Variants in PHLDB1 observed in about 807,000 individuals in gnomAD.
PHLDB1 encodes the protein pleckstrin homology like domain family B member 1, also known as pleckstrin homology-like domain family B member 1.
In PHLDB1, 65 loss-of-function variants were observed where a neutral mutation model predicts 139.3. That is an observed-to-expected ratio of 0.47 (90% confidence interval 0.38 to 0.57). The LOEUF (loss-of-function observed/expected upper bound fraction) is 0.57. Among genes scored for constraint, PHLDB1 ranks in the 20% least tolerant of loss-of-function variants. The pLI is 0.00. For missense variants in PHLDB1, 1,624 were observed against 1,839.7 expected (o/e 0.88, Z 2.14); for synonymous variants, 679 against 734.5 (o/e 0.92, Z 1.22).
chr11:118,643,300 G>T (rs999134097), intron 13 of PHLDB1, among the ~76,000 whole-genome samples: 6 of 152,204 alleles, frequency 3.9e-5, no homozygotes, highest in Non-Finnish European at 2.9e-5. Context: ...CAGAGCTTAT[G>T]CCACGTCAGG....
intron 3 of PHLDB1, chr11:118,614,934 C>T (rs903316156): frequency 1.4e-4 from 57 of 413,256 alleles, no homozygotes; most frequent in Admixed American, 1.3e-3. Context: ...TGGTGGCTCA[C>T]GCCTGTTATC....
intron 6 of PHLDB1, chr11:118,630,157 A>ATCACTTACAGTT: frequency 1.1e-6 from 1 of 900,122 alleles, no homozygotes; most frequent in Non-Finnish European, 1.6e-6. Context: ...ACTGTAAGTG[A>ATCACTTACAGTT]TGAGAGACAC....
chr11:118,613,967 G>T (rs897191045), intron 2 of PHLDB1, 71 bp downstream of exon 2: 106 of 980,142 alleles, frequency 1.1e-4, no homozygotes, highest in African/African-American at 1.4e-4. Flanking sequence ...ACCCCCTTGT[G>T]GTCCCAGCCC....
intron 9 of PHLDB1, chr11:118,634,839 C>G (rs1050851246): frequency 5.8e-5 from 17 of 294,996 alleles, no homozygotes; most frequent in Non-Finnish European, 1.1e-4. Context: ...GCTCCCCTCC[C>G]GCCGCTGCCG....
At position 118,638,974 on chromosome 11, in the gene PHLDB1, G is replaced by A; in HGVS notation, c.2619G>A (p.Lys873=). ...AATCAGAACGCCTGGCCCGGGACAA[G>A]AATGCCTCCTTACAGCTGCTGCAAA... ...VQESERLARD[K]NASLQLLQKE... Residue 873 remains lysine, a synonymous_variant, in exon 11 of 23, where the codon AAG becomes AAA. Coordinates refer to ENST00000600882, the MANE Select transcript of PHLDB1 (RefSeq NM_001144758.3). The A allele has an allele frequency of 6.2e-7, 1 of 1,613,738 alleles. No homozygotes were observed.
chr11:118,649,291 A>G (rs147972459), intron 18 of PHLDB1, among the ~76,000 whole-genome samples: 1 of 150,884 alleles, frequency 6.6e-6, no homozygotes, highest in Non-Finnish European at 1.5e-5. Context: ...AGGAAAAAAA[A>G]AAAAGAAAAA....
chr11:118,632,969 G>T lies in PHLDB1; in HGVS notation c.2379+673G>T. On this transcript the variant is annotated intron_variant, in intron 9 of 22. Transcript: ENST00000600882. This position sits in a 1 kb window ranked among gnomAD's most constrained non-coding sequence, Gnocchi z 5.9. ...TTCTTCCTCCTGCCCTCAATTTTGA[G>T]AATCTTAAAAATTCTTTGACCCTTT... 24 of 337,228 alleles carry T rather than the reference G, an allele frequency of 7.1e-5. No individual in the cohort carries two copies. Among genetic ancestry groups the T allele is most frequent in the Non-Finnish European group, 9.2e-5 (22 of 239,582 alleles). 20.9% of individuals were successfully genotyped at this position (337,228 alleles called of 1,614,324 possible).
chr11:118,618,815 G>A (rs1324161473), intron 4 of PHLDB1, among the ~76,000 whole-genome samples: 7 of 151,526 alleles, frequency 4.6e-5, no homozygotes, highest in Non-Finnish European at 8.8e-5. Flanking sequence ...GCATCATTCT[G>A]GGCACTGTGC....
chr11:118,609,686 C>G (rs1298591834), intron 1 of PHLDB1, among the ~76,000 whole-genome samples: 1 of 152,256 alleles, frequency 6.6e-6, no homozygotes, highest in Non-Finnish European at 1.5e-5. Context: ...CAAGCGGCTC[C>G]TTCTCTCTGC....
chr11:118,608,316 G>C lies in PHLDB1; in HGVS notation c.-22+617G>C, dbSNP rs1939498551. Among the ~76,000 whole-genome samples, 1 of 152,120 alleles carries C rather than the reference G, an allele frequency of 6.6e-6. No homozygotes were observed. Among genetic ancestry groups the C allele is most frequent in the Admixed American group, 6.5e-5 (1 of 15,286 alleles). ...CCAAGGCCCCACGTCCTCGGGGGCC[G>C]GGGAGGCCGCCTGGGGCGCCTTGCC... On this transcript the variant is annotated intron_variant, in intron 1 of 22. Coordinates refer to ENST00000600882, the MANE Select transcript of PHLDB1 (RefSeq NM_001144758.3). The surrounding 1 kb of genome is among the most constrained non-coding windows in gnomAD (Gnocchi z 6.7).
chr11:118,639,560 G>A (rs962603063), intron 12 of PHLDB1: 5 of 469,900 alleles, frequency 1.1e-5, no homozygotes, highest in South Asian at 2.6e-5. Flanking sequence ...GGTAGGGGCC[G>A]GGCTGGATGG....
chr11:118,648,107 G>C (rs1591753411), intron 18 of PHLDB1, 31 bp downstream of exon 18: 2 of 1,606,106 alleles, frequency 1.2e-6, no homozygotes. Flanking sequence ...AGTGGTGGTT[G>C]GTTTGACGGT....
At chr11:118,629,437 C>A (rs1944415838) in intron 6 of PHLDB1, among the ~76,000 whole-genome samples, 1 of 152,204 alleles carries the variant, frequency 6.6e-6, no homozygotes, top group Non-Finnish European at 1.5e-5. Context: ...TTAAGGGGCT[C>A]TGGCTGGTGT....
chr11:118,618,964 A>G (rs1048067989), intron 4 of PHLDB1, among the ~76,000 whole-genome samples: 12 of 152,176 alleles, frequency 7.9e-5, no homozygotes, highest in Non-Finnish European at 1.2e-4. Context: ...GCACAGAGCT[A>G]TGAACATAGG....
rs1555106239 is a variant in PHLDB1, at chr11:118,628,393, G to C, written c.1570G>C (p.Gly524Arg). The change falls in exon 6 of 23, where the codon GGT (glycine) becomes CGT (arginine). Residue 524 changes from glycine (G) to arginine (R), a missense_variant. By Grantham distance (125) the Gly-to-Arg change is moderately radical (BLOSUM62 -2). Coordinates refer to ENST00000600882, the MANE Select transcript of PHLDB1 (RefSeq NM_001144758.3). Reference protein sequence around the residue: ...RRTRSPSPTLGESLAPHKGSF... With the variant: ...RRTRSPSPTLRESLAPHKGSF... ...GACACGGAGCCCCTCACCCACACTG[G>C]GTGAGTCTCTGGCACCCCACAAGGG... 1.9e-6 allele frequency: 3 copies of C among 1,610,878 alleles called. No homozygotes were observed. The highest frequency in any genetic ancestry group is 1.1e-5 in the South Asian group (1 of 90,860).
chr11:118,607,841 G>A (rs1464530443), intron 1 of PHLDB1, 142 bp downstream of exon 1: 1 of 152,494 alleles, frequency 6.6e-6, no homozygotes, highest in Non-Finnish European at 1.5e-5. Context: ...GTGGGGGAGA[G>A]AGGGCACCCC....
chr11:118,619,424 C>T (rs1229892737), intron 4 of PHLDB1, among the ~76,000 whole-genome samples: 3 of 152,140 alleles, frequency 2.0e-5, no homozygotes, highest in Non-Finnish European at 2.9e-5. Flanking sequence ...TTTTTTTTCC[C>T]ACCCAGTTAT....
At position 118,655,698 on chromosome 11, in the gene PHLDB1, G is replaced by A. The variant is rs1480426213; in HGVS notation, c.3960+8G>A. On this transcript the variant is annotated splice_region_variant and intron_variant, in intron 21 of 22. Coordinates refer to ENST00000600882, the MANE Select transcript of PHLDB1 (RefSeq NM_001144758.3). Reference sequence around the variant, plus strand: ...CTGCGCAGTGCAGCCAAGGTCAGGGGTGGAGGGCACCAGAGGGGGGCCAGA... The same window carrying A: ...CTGCGCAGTGCAGCCAAGGTCAGGGATGGAGGGCACCAGAGGGGGGCCAGA... The A allele has an allele frequency of 6.2e-7, 1 of 1,607,142 alleles. No homozygotes were observed. Among genetic ancestry groups the A allele is most frequent in the Non-Finnish European group, 8.5e-7 (1 of 1,173,676 alleles).
At chr11:118,615,632 G>A in intron 3 of PHLDB1, 1 of 167,636 alleles carries the variant, frequency 6.0e-6, no homozygotes, top group Non-Finnish European at 1.3e-5. Flanking sequence ...GGTAGCAGAA[G>A]CGGGGGAGAG....
Sources: allele counts gnomAD v4.1 joint callset (sites outside exome capture counted in the v4.1 genomes callset), GRCh38; gene constraint gnomAD v4.1.1; non-coding constraint Gnocchi (gnomAD v3.1); transcripts MANE v1.5; gene names NCBI Gene and HGNC (gene_info 2026-07-23, HGNC 2026-07-21).